The following SBF2 variants were observed in gnomAD, a reference collection of about 807,000 sequenced individuals.
SBF2 encodes SET binding factor 2.
In SBF2, 112 loss-of-function variants were observed where a neutral mutation model predicts 225.2. That is an observed-to-expected ratio of 0.50 (90% confidence interval 0.43 to 0.58). The LOEUF (loss-of-function observed/expected upper bound fraction) is 0.58. Among genes scored for constraint, SBF2 ranks in the 20% least tolerant of loss-of-function variants. The probability of loss-of-function intolerance (pLI) is 0.00; values close to 1 mark genes in which losing one functional copy is unlikely to be tolerated. For synonymous variants in SBF2, 763 were observed against 773.3 expected (o/e 0.99, Z 0.22); for missense variants, 1,996 against 2,206.2 (o/e 0.90, Z 1.91).
intron 1 of SBF2, among the ~76,000 whole-genome samples, chr11:10,237,930 T>G (rs1034882331): frequency 1.3e-5 from 2 of 152,198 alleles, no homozygotes; most frequent in African/African-American, 4.8e-5. Context: ...TGTTGATCCA[T>G]TAATCCACTG....
chr11:10,296,166 C>G (rs1160511190), upstream of SBF2, among the ~76,000 whole-genome samples: 8 of 152,174 alleles, frequency 5.3e-5, no homozygotes, highest in East Asian at 1.4e-3. Context: ...TGGTTTTTCT[C>G]ACTTAGTATA....
In SBF2 at chr11:10,202,033, G is replaced by A. The variant is rs540808728; in HGVS notation, c.56-8046C>T. Among the ~76,000 whole-genome samples the A allele has an allele frequency of 5.3e-5, 8 of 152,272 alleles. No homozygotes were observed. In the East Asian group the frequency reaches 1.3e-3, roughly 26 times the overall value. ...GCAATTTAGAGAATGTCAAGATTAAGAAAAACTGAGAAATGAATACAAACT... is the reference window on the plus strand; with the variant it reads ...GCAATTTAGAGAATGTCAAGATTAAAAAAAACTGAGAAATGAATACAAACT... On this transcript the variant is annotated intron_variant, in intron 1 of 39. Coordinates refer to ENST00000256190, the MANE Select transcript of SBF2 (RefSeq NM_030962.4).
chr11:9,884,590 T>C (rs1172516975), intron 17 of SBF2, among the ~76,000 whole-genome samples: 2 of 152,154 alleles, frequency 1.3e-5, no homozygotes, highest in Non-Finnish European at 2.9e-5. Context: ...TATCCTAAGG[T>C]TGCAAATTTC....
intron 14 of SBF2, among the ~76,000 whole-genome samples, chr11:9,965,086 C>A (rs1590626191): frequency 1.3e-5 from 2 of 152,122 alleles, no homozygotes; most frequent in African/African-American, 4.8e-5. Context: ...CATGTGTACA[C>A]ATTATTTAGC....
Position 10,247,630 on chromosome 11 carries a change from G to C in SBF2, c.55+46385C>G, listed in dbSNP as rs183227703. On this transcript the variant is annotated intron_variant, in intron 1 of 39. Coordinates refer to ENST00000256190, the MANE Select transcript of SBF2 (RefSeq NM_030962.4). ...GAATTGCTTGAACCCAGGAGGCAGA[G>C]ATTGCAGTGAGCCAAGATCGTGCCA... 3.5e-3 allele frequency among the ~76,000 whole-genome samples: 535 copies of C among 152,198 alleles called. 3 individuals are homozygous for C. The highest frequency in any genetic ancestry group is 7.1e-3 in the Admixed American group (108 of 15,274).
At chr11:10,122,459 T>C (rs1953514357) in intron 2 of SBF2, among the ~76,000 whole-genome samples, 1 of 152,218 alleles carries the variant, frequency 6.6e-6, no homozygotes, top group Non-Finnish European at 1.5e-5. Flanking sequence ...GAACAGGCCC[T>C]AAAAACTTGC....
chr11:10,059,063 A>G (rs1565182818), intron 2 of SBF2, among the ~76,000 whole-genome samples: 1 of 152,164 alleles, frequency 6.6e-6, no homozygotes, highest in Non-Finnish European at 1.5e-5. Flanking sequence ...ACACACTTAA[A>G]CACACAGACC....
At chr11:10,166,990 A>AC (rs1282714502) in intron 2 of SBF2, among the ~76,000 whole-genome samples, 22 of 146,072 alleles carry the variant, frequency 1.5e-4, no homozygotes, top group African/African-American at 4.8e-4. Flanking sequence ...CACACACACA[A>AC]AAAGGCTACT....
intron 1 of SBF2, among the ~76,000 whole-genome samples, chr11:10,210,698 G>C (rs1957908581): frequency 6.6e-6 from 1 of 152,056 alleles, no homozygotes; most frequent in African/African-American, 2.4e-5. Flanking sequence ...GTGGGGTTGT[G>C]AAAGGAATCA....
intron 1 of SBF2, among the ~76,000 whole-genome samples, chr11:10,231,592 C>G (rs980303616): frequency 1.3e-5 from 2 of 152,174 alleles, no homozygotes; most frequent in African/African-American, 2.4e-5. Flanking sequence ...CTGTTTGCCT[C>G]GGTATCAGCA....
intron 2 of SBF2, among the ~76,000 whole-genome samples, chr11:10,143,218 C>CG (rs1954730723): frequency 1.3e-5 from 2 of 151,818 alleles, no homozygotes; most frequent in Non-Finnish European, 1.5e-5. Context: ...GTTGCCCAGG[C>CG]GGGAGTGCAA....
At chr11:9,951,092 T>C (rs1051475285) in intron 16 of SBF2, among the ~76,000 whole-genome samples, 1 of 151,936 alleles carries the variant, frequency 6.6e-6, no homozygotes, top group Non-Finnish European at 1.5e-5. Context: ...ACATCCAAGC[T>C]GAAATTAAAG....
rs1222031321 is a variant in SBF2 at position 9,896,101 on chromosome 11, T to C, written c.1861-90A>G. ...CTAACATCTGGGATACACTGTTTAC[T>C]GTCCTATGGGGTTTTTACCTTTTTA... On this transcript the variant is annotated intron_variant, in intron 16 of 39. Transcript: ENST00000256190. The C allele has an allele frequency of 6.8e-6, 7 of 1,031,078 alleles. No homozygotes were observed. In the East Asian group the frequency reaches 1.2e-4, roughly 18 times the overall value. 63.9% of individuals were successfully genotyped at this position (1,031,078 alleles called of 1,614,324 possible). A position where few individuals can be genotyped will look rare whatever the true frequency, so the allele number is the denominator to read the frequency against.
intron 2 of SBF2, among the ~76,000 whole-genome samples, chr11:10,093,973 G>A (rs1285222533): frequency 2.6e-5 from 4 of 152,150 alleles, no homozygotes; most frequent in Admixed American, 2.6e-4. Flanking sequence ...TACAAACAAG[G>A]ATATTTGGTA....
chr11:9,870,571 C>T (rs761895127), intron 17 of SBF2, among the ~76,000 whole-genome samples: 3 of 152,140 alleles, frequency 2.0e-5, no homozygotes, highest in Non-Finnish European at 2.9e-5. Flanking sequence ...ACCATCTGAT[C>T]GTTGACAAAC....
At chr11:9,782,215 G>A (rs1402010715) in intron 38 of SBF2, among the ~76,000 whole-genome samples, 1 of 150,686 alleles carries the variant, frequency 6.6e-6, no homozygotes, top group Non-Finnish European at 1.5e-5. Flanking sequence ...AGTAACAACT[G>A]TAAAAAGTAT....
chr11:9,968,630 C>T, intron 13 of SBF2, 85 bp from the exon 14 acceptor site: 4 of 1,081,552 alleles, frequency 3.7e-6, no homozygotes, highest in Non-Finnish European at 5.8e-6. Flanking sequence ...CTTACAGGGA[C>T]ACGAGCTGGG....
At chr11:10,033,102 TG>T (rs1211633669) in intron 3 of SBF2, among the ~76,000 whole-genome samples, 1 of 152,238 alleles carries the variant, frequency 6.6e-6, no homozygotes, top group Non-Finnish European at 1.5e-5. Context: ...TTAGGTTGGT[TG>T]GTTTCTGGAA....
chr11:9,812,571 G>C lies in SBF2; in HGVS notation c.4116C>G (p.Thr1372=). Reference sequence around the variant, plus strand: ...CAGAATCTCCCAGCGCTTTCAGGAAGGTCACTTCTGAGTCAGTAGGGATGG... The same window carrying C: ...CAGAATCTCCCAGCGCTTTCAGGAACGTCACTTCTGAGTCAGTAGGGATGG... ...PSTIPTDSEV[T]FLKALGDSEW... Residue 1372 remains threonine (T), a synonymous_variant, in exon 30 of 40, where the codon ACC becomes ACG. Transcript: ENST00000256190. 1 of 1,614,212 alleles carries C rather than the reference G, an allele frequency of 6.2e-7. No homozygotes were observed.
Sources: allele counts gnomAD v4.1 joint callset (sites outside exome capture counted in the v4.1 genomes callset), GRCh38; gene constraint gnomAD v4.1.1; transcripts MANE v1.5; gene names NCBI Gene and HGNC (gene_info 2026-07-23, HGNC 2026-07-21).